The following BMP1 variants were observed in gnomAD, a reference collection of about 807,000 sequenced individuals.
BMP1 encodes mammalian tolloid protein.
In BMP1, 63 loss-of-function variants were observed where a neutral mutation model predicts 116.8. The ratio of observed to expected loss-of-function variants is 0.54; its 90% CI spans 0.44 to 0.67. The LOEUF (loss-of-function observed/expected upper bound fraction) is 0.67. Among genes scored for constraint, BMP1 ranks in the 30% least tolerant of loss-of-function variants. BMP1 has a pLI of 0.00. For synonymous variants in BMP1, 536 were observed against 533.4 expected (o/e 1.00, Z -0.07); for missense variants, 1,183 against 1,358.9 (o/e 0.87, Z 2.04).
In BMP1 at chr8:22,180,515, C is replaced by T. The variant is rs776455120; in HGVS notation, c.1077+32C>T. 6.3e-6 allele frequency: 10 copies of T among 1,593,262 alleles called. No homozygotes were observed. The Admixed American group carries it at 1.2e-4, about 19-fold the overall frequency. On this transcript the variant is annotated intron_variant, in intron 8 of 19. Coordinates refer to ENST00000306385, the MANE Select transcript of BMP1 (RefSeq NM_006129.5). ...GTGGGCTCAGCCTCTGAGCCTCCCC[C>T]TCCCCTGCGGGTCCCCATACCTCAG...
In BMP1 at chr8:22,206,835, G is replaced by A. The variant is rs537472549; in HGVS notation, c.2234-19G>A. 5.8e-5 allele frequency: 93 copies of A among 1,614,038 alleles called. No homozygotes were observed. In the East Asian group the frequency reaches 8.5e-4, roughly 15 times the overall value. Reference sequence around the variant, plus strand: ...TTGGGGTCCCTCTCTATCCCCTTCCGTCACTCGCTTCCCTGCAGCCGGCTG... The same window carrying A: ...TTGGGGTCCCTCTCTATCCCCTTCCATCACTCGCTTCCCTGCAGCCGGCTG... On this transcript the variant is annotated intron_variant, in intron 16 of 19. Transcript: ENST00000306385.
chr8:22,178,306 T>C (rs1186255773), intron 6 of BMP1, among the ~76,000 whole-genome samples: 1 of 152,212 alleles, frequency 6.6e-6, no homozygotes, highest in Non-Finnish European at 1.5e-5. Context: ...TTGTTTTTGT[T>C]TGAGACAGGA....
chr8:22,207,021 C>T lies in BMP1; in HGVS notation c.2361+40C>T, dbSNP rs766306774. 6 of 1,608,740 alleles carry T rather than the reference C, an allele frequency of 3.7e-6. No individual in the cohort carries two copies. In the South Asian group the frequency reaches 4.4e-5, roughly 12 times the overall value. ...CCCCACTCCTTATGCGGTGTGGCTG[C>T]CCCCGGTCAGAGGCACTGCCCAGAG... On this transcript the variant is annotated intron_variant, in intron 17 of 19. Transcript: ENST00000306385.
intron 6 of BMP1, 45 bp downstream of exon 6, chr8:22,178,002 C>A: frequency 6.9e-7 from 1 of 1,444,772 alleles, no homozygotes; most frequent in Non-Finnish European, 9.6e-7. Context: ...GGCAGCCCCA[C>A]CCTGCCCTCT....
rs1829030130 is a variant in BMP1 at position 22,194,721 on chromosome 8, T to C, written c.1444-3T>C. On this transcript the variant is annotated splice_polypyrimidine_tract_variant and splice_region_variant and intron_variant, in intron 11 of 19. Coordinates refer to ENST00000306385, the MANE Select transcript of BMP1 (RefSeq NM_006129.5). The surrounding 1 kb of genome is among the most constrained non-coding windows in gnomAD (Gnocchi z 4.5). ...CTTCCACTGATGAAGCCTCGACCCC[T>C]AGATTGAGCGCCACGACAGCTGTGC... The C allele has an allele frequency of 6.3e-7, 1 of 1,597,454 alleles. No homozygotes were observed. Among genetic ancestry groups the C allele is most frequent in the Admixed American group, 1.7e-5 (1 of 58,550 alleles).
chr8:22,210,775 C>A (rs767162589), intron 19 of BMP1, among the ~76,000 whole-genome samples: 6 of 152,230 alleles, frequency 3.9e-5, no homozygotes, highest in Non-Finnish European at 7.3e-5. Flanking sequence ...CCTCTTTGCT[C>A]TTTCTTCTGA....
intron 16 of BMP1, among the ~76,000 whole-genome samples, chr8:22,204,612 G>T (rs904617176): frequency 1.3e-5 from 2 of 152,144 alleles, no homozygotes; most frequent in Non-Finnish European, 2.9e-5. Flanking sequence ...AGTCCCAACT[G>T]CTTGGGAGGC....
chr8:22,185,828 CTTTTTTTTTTT>C (rs71204540), intron 8 of BMP1, among the ~76,000 whole-genome samples: 2 of 80,958 alleles, frequency 2.5e-5, no homozygotes, highest in African/African-American at 1.1e-4. Context: ...CACTGTCTTT[CTTTTTTTTTTT>C]TTTTTTTTTT....
Position 22,192,032 on chromosome 8 carries a change from C to T in BMP1, c.1078-17C>T, listed in dbSNP as rs779606580. On this transcript the variant is annotated splice_polypyrimidine_tract_variant and intron_variant, in intron 8 of 19. Transcript: ENST00000306385. ...TGTTCGGGACAGCTTAACCCTCTTC[C>T]TCCCCTGTTGCCCTAGATCATCCTG... 10 of 1,603,284 alleles carry T rather than the reference C, an allele frequency of 6.2e-6. No individual in the cohort carries two copies. Among genetic ancestry groups the T allele is most frequent in the East Asian group, 2.2e-5 (1 of 44,798 alleles).
At position 22,207,472 on chromosome 8, in the gene BMP1, A is replaced by T; in HGVS notation, c.2531A>T (p.Asp844Val). 1 of 1,613,980 alleles carries T rather than the reference A, an allele frequency of 6.2e-7. No homozygotes were observed. ...CGCATGTTCCTGCGCTTCTACTCAG[A>T]TAACTCGGTCCAGCGAAAGGGCTTC... is the stretch of plus-strand genomic sequence containing the variant. ...GSRMFLRFYS[D>V]NSVQRKGFQA... The change falls in exon 18 of 20, where the codon GAT becomes GTT. Residue 844 changes from aspartate to valine, a missense_variant. Physicochemically the swap from Asp to Val is radical, Grantham distance 152. Around this residue, in one of 4 missense-constraint regions of BMP1, gnomAD observed 956 missense variants for 1,135.2 expected, o/e 0.84. Transcript: ENST00000306385.
chr8:22,183,401 G>T (rs898978858), intron 8 of BMP1, among the ~76,000 whole-genome samples: 7 of 152,128 alleles, frequency 4.6e-5, no homozygotes, highest in Non-Finnish European at 1.0e-4. Context: ...GGGGGGCAGA[G>T]CGAGATCTTG....
intron 8 of BMP1, among the ~76,000 whole-genome samples, chr8:22,191,467 G>A (rs180707294): frequency 6.6e-6 from 1 of 152,314 alleles, no homozygotes; most frequent in Admixed American, 6.5e-5. Context: ...GCCGGGCACA[G>A]TGACGCACTC....
chr8:22,194,605 CT>C lies in BMP1; in HGVS notation c.1443+16del. The C allele has an allele frequency of 6.2e-7, 1 of 1,613,590 alleles. No individual in the cohort carries two copies. The highest frequency in any genetic ancestry group is 8.5e-7 in the Non-Finnish European group (1 of 1,179,656). ...AGTCCTTTGAGGTAGGTCAGTGGCC[CT>C]GTGATCTGACCTTTGAATCCAGCAG... On this transcript the variant is annotated intron_variant, in intron 11 of 19. Transcript: ENST00000306385. This position sits in a 1 kb window ranked among gnomAD's most constrained non-coding sequence, Gnocchi z 4.5.
At chr8:22,198,274 G>C (rs1425809041) in intron 15 of BMP1, 1 of 152,268 alleles carries the variant, frequency 6.6e-6, no homozygotes, top group Non-Finnish European at 1.5e-5. Flanking sequence ...ATTAGCACAT[G>C]CTGATTGACA....
chr8:22,196,949 C>T, intron 14 of BMP1, 109 bp downstream of exon 14: 1 of 1,376,148 alleles, frequency 7.3e-7, no homozygotes, highest in Non-Finnish European at 9.7e-7. Flanking sequence ...AAACACTCTG[C>T]AAATATCGAG....
chr8:22,211,244 G>A (rs1829457786), intron 19 of BMP1, among the ~76,000 whole-genome samples: 1 of 152,206 alleles, frequency 6.6e-6, no homozygotes, highest in Non-Finnish European at 1.5e-5. Context: ...GCAGTCCTTT[G>A]TTTTTCCCCA....
chr8:22,181,078 C>G (rs146811296), intron 8 of BMP1, among the ~76,000 whole-genome samples: 259 of 152,352 alleles, frequency 1.7e-3, no homozygotes, highest in African/African-American at 6.0e-3. Context: ...TGGGTCTCTC[C>G]TTCTCACCCA....
Position 22,194,888 on chromosome 8 carries a change from C to G in BMP1, c.1608C>G (p.Asn536Lys). Residue 536 changes from asparagine to lysine, a missense_variant, in exon 12 of 20, where the codon AAC (asparagine) becomes AAG (lysine). This residue lies in a region of BMP1 where 956 missense variants were observed against 1,135.2 expected (regional missense o/e 0.84). Coordinates refer to ENST00000306385, the MANE Select transcript of BMP1 (RefSeq NM_006129.5). The surrounding 1 kb of genome is among the most constrained non-coding windows in gnomAD (Gnocchi z 4.5). ...AGTTCGTCTCTGACGGGTCCATTAA[C>G]AAAGCGGGCTTTGCCGTCAACTTTT... ...WLKFVSDGSI[N>K]KAGFAVNFFK... 6.2e-7 allele frequency: 1 copy of G among 1,611,552 alleles called. No homozygotes were observed. The highest frequency in any genetic ancestry group is 8.5e-7 in the Non-Finnish European group (1 of 1,179,276).
Position 22,179,968 on chromosome 8 carries a change from G to A in BMP1, c.961+139G>A. The A allele has an allele frequency of 9.8e-7, 1 of 1,015,786 alleles. No homozygotes were observed. 62.9% of individuals were successfully genotyped at this position (1,015,786 alleles called of 1,614,324 possible). ...TGGCGGGGGAGGGGACCCCATAGGAGGGGCAGTGTCCAAGTGAAGGAGGCC... is the reference window on the plus strand; with the variant it reads ...TGGCGGGGGAGGGGACCCCATAGGAAGGGCAGTGTCCAAGTGAAGGAGGCC... On this transcript the variant is annotated intron_variant, in intron 7 of 19. Coordinates refer to ENST00000306385, the MANE Select transcript of BMP1 (RefSeq NM_006129.5). This position sits in a 1 kb window ranked among gnomAD's most constrained non-coding sequence, Gnocchi z 4.6.
Sources: allele counts gnomAD v4.1 joint callset (sites outside exome capture counted in the v4.1 genomes callset), GRCh38; gene constraint gnomAD v4.1.1; regional missense constraint gnomAD v4.1.1; non-coding constraint Gnocchi (gnomAD v3.1); transcripts MANE v1.5; gene names NCBI Gene and HGNC (gene_info 2026-07-23, HGNC 2026-07-21).